The following DYNC1I1 variants were observed in gnomAD, a reference collection of about 807,000 sequenced individuals.
DYNC1I1 encodes the protein cytoplasmic dynein 1 intermediate chain 1.
A neutral mutation model predicts 86.6 loss-of-function variants in DYNC1I1; 43 were observed. The ratio of observed to expected loss-of-function variants is 0.50; its 90% CI spans 0.39 to 0.64. DYNC1I1 has a LOEUF of 0.64. DYNC1I1 is among the 30% of genes least tolerant of loss of function. The pLI is 0.00. For synonymous variants in DYNC1I1, 262 were observed against 283.7 expected (o/e 0.92, Z 0.77); for missense variants, 604 against 788.8 (o/e 0.77, Z 2.81).
At chr7:96,089,227 A>C (rs1252251947) in intron 16 of DYNC1I1, among the ~76,000 whole-genome samples, 5 of 77,552 alleles carry the variant, frequency 6.4e-5, no homozygotes, top group Non-Finnish European at 1.3e-4. Flanking sequence ...TGATTATCAC[A>C]TTCCTCAGCT....
At chr7:95,824,270 G>A (rs1413787033) in intron 4 of DYNC1I1, among the ~76,000 whole-genome samples, 1 of 151,962 alleles carries the variant, frequency 6.6e-6, no homozygotes, top group Non-Finnish European at 1.5e-5. Context: ...TGGGCTTACA[G>A]GCATGAGTTA....
At chr7:96,011,124 T>C (rs763508856) in intron 10 of DYNC1I1, among the ~76,000 whole-genome samples, 1 of 152,184 alleles carries the variant, frequency 6.6e-6, no homozygotes, top group Non-Finnish European at 1.5e-5. Flanking sequence ...GTAAACACAG[T>C]AGAACTTTCC....
intron 6 of DYNC1I1, among the ~76,000 whole-genome samples, chr7:95,881,162 C>A (rs1395427167): frequency 6.6e-6 from 1 of 152,034 alleles, no homozygotes; most frequent in Non-Finnish European, 1.5e-5. Flanking sequence ...ATTCTAGGAA[C>A]AAGGAAATAG....
chr7:95,924,529 A>T (rs1791691887), intron 6 of DYNC1I1, among the ~76,000 whole-genome samples: 1 of 152,152 alleles, frequency 6.6e-6, no homozygotes, highest in South Asian at 2.1e-4. Context: ...TAAATTACAT[A>T]TGTGGCTTGC....
At chr7:95,889,577 A>T (rs1056323920) in intron 6 of DYNC1I1, among the ~76,000 whole-genome samples, 1 of 152,214 alleles carries the variant, frequency 6.6e-6, no homozygotes, top group Non-Finnish European at 1.5e-5. Context: ...AATTGCAAAA[A>T]AGCAAAAATT....
intron 5 of DYNC1I1, among the ~76,000 whole-genome samples, chr7:95,840,631 G>A (rs1789255270): frequency 6.6e-6 from 1 of 152,086 alleles, no homozygotes; most frequent in Non-Finnish European, 1.5e-5. Flanking sequence ...CTTTGTGTTA[G>A]TTTCTGCACA....
intron 5 of DYNC1I1, among the ~76,000 whole-genome samples, chr7:95,861,017 T>C (rs768111019): frequency 5.3e-5 from 8 of 152,160 alleles, no homozygotes; most frequent in Non-Finnish European, 1.2e-4. Context: ...TAGCAACATC[T>C]GTTCCTGGTT....
At chr7:95,950,748 A>G (rs760900244) in intron 6 of DYNC1I1, among the ~76,000 whole-genome samples, 7 of 152,182 alleles carry the variant, frequency 4.6e-5, no homozygotes, top group Non-Finnish European at 8.8e-5. Flanking sequence ...AGTCACACTC[A>G]GAAAATGGAA....
At chr7:95,854,419 T>C (rs979580473) in intron 5 of DYNC1I1, among the ~76,000 whole-genome samples, 2 of 152,180 alleles carry the variant, frequency 1.3e-5, no homozygotes, top group African/African-American at 4.8e-5. Context: ...AAGAAAACTC[T>C]GTACTTTTAC....
intron 11 of DYNC1I1, 97 bp from the exon 12 acceptor site, chr7:96,032,570 C>T (rs1389314080): frequency 2.2e-6 from 2 of 909,334 alleles, no homozygotes; most frequent in Non-Finnish European, 1.7e-6. Context: ...GATTATGTTA[C>T]TCTTTAATCC....
intron 4 of DYNC1I1, among the ~76,000 whole-genome samples, chr7:95,820,912 T>C (rs1795060893): frequency 6.6e-6 from 1 of 152,224 alleles, no homozygotes; most frequent in African/African-American, 2.4e-5. Context: ...AGATATGCTT[T>C]CCTTCTTCAG....
chr7:95,997,583 T>TTG (rs34117329), intron 10 of DYNC1I1, among the ~76,000 whole-genome samples: 5,034 of 142,760 alleles, frequency 0.035, 256 homozygotes, highest in African/African-American at 0.11. Flanking sequence ...AAGGGCATTC[T>TTG]TGTGTGTGTG....
chr7:95,990,521 C>T (rs62467739), intron 9 of DYNC1I1, among the ~76,000 whole-genome samples: 11,814 of 152,186 alleles, frequency 0.078, 558 homozygotes, highest in Non-Finnish European at 0.1. Context: ...TAGGAAACAG[C>T]GTCTTACTGG....
At chr7:95,842,541 G>T (rs1315783596) in intron 5 of DYNC1I1, among the ~76,000 whole-genome samples, 1 of 152,096 alleles carries the variant, frequency 6.6e-6, no homozygotes, top group African/African-American at 2.4e-5. Flanking sequence ...GGATGTGCTG[G>T]GAGTCAGCTT....
chr7:96,076,283 C>T (rs1164158289), intron 15 of DYNC1I1, 86 bp downstream of exon 15: 1 of 1,539,668 alleles, frequency 6.5e-7, no homozygotes, highest in Non-Finnish European at 8.8e-7. Flanking sequence ...TTCTCCAAAA[C>T]GGCCTTTTTT....
chr7:95,904,107 T>C (rs762377577), intron 6 of DYNC1I1, among the ~76,000 whole-genome samples: 1 of 152,192 alleles, frequency 6.6e-6, no homozygotes, highest in Non-Finnish European at 1.5e-5. Context: ...TAAGTGGGCT[T>C]GGTTAGCCCT....
intron 14 of DYNC1I1, among the ~76,000 whole-genome samples, chr7:96,041,722 A>G (rs1267496579): frequency 6.6e-6 from 1 of 152,168 alleles, no homozygotes; most frequent in African/African-American, 2.4e-5. Flanking sequence ...AGCAAAGTGG[A>G]GAGAAGTGCA....
chr7:96,030,330 TTGTGTGTGTGTGTGTG>T (rs200496803), intron 11 of DYNC1I1, among the ~76,000 whole-genome samples: 19,559 of 135,464 alleles, frequency 0.14, 1,575 homozygotes, highest in South Asian at 0.32. Context: ...AATGGTAGAG[TTGTGTGTGTGTGTGTG>T]TGTGTGTGTG....
chr7:95,785,257 A>G (rs1473744436), intron 1 of DYNC1I1, among the ~76,000 whole-genome samples: 1 of 152,128 alleles, frequency 6.6e-6, no homozygotes, highest in Non-Finnish European at 1.5e-5. Context: ...ACCAAAAAAT[A>G]CAAAAAATTA....
Sources: gnomAD v4.1 joint callset for allele counts (sites outside exome capture counted in the v4.1 genomes callset) on GRCh38, gnomAD v4.1.1 for gene constraint, MANE v1.5 for transcripts, NCBI Gene and HGNC (gene_info 2026-07-23, HGNC 2026-07-21) for gene names.